NXN: variants seen among roughly 807,000 people sequenced by gnomAD.
The protein encoded by NXN is nucleoredoxin.
NXN carries 16 observed loss-of-function variants against 48.6 expected under a neutral mutation model. The ratio of observed to expected loss-of-function variants is 0.33; its 90% confidence interval spans 0.22 to 0.50. The LOEUF (loss-of-function observed/expected upper bound fraction) is 0.50, where lower values mean the gene tolerates loss of function less well. NXN is among the 20% of genes least tolerant of loss of function. The probability of loss-of-function intolerance (pLI) is 0.98; values close to 1 mark genes in which losing one functional copy is unlikely to be tolerated. For missense variants in NXN, 492 were observed against 605.5 expected, an observed-to-expected ratio of 0.81 and a Z score of 1.97; for synonymous variants, 281 against 269.6, an observed-to-expected ratio of 1.04 and a Z score of -0.41.
intron 1 of NXN, among the ~76,000 whole-genome samples, chr17:887,255 T>C (rs1286451451): frequency 6.6e-6 from 1 of 152,106 alleles, no homozygotes; most frequent in Non-Finnish European, 1.5e-5. Context: ...AAATCCATGC[T>C]AGCTGACCGG....
intron 5 of NXN, among the ~76,000 whole-genome samples, chr17:810,935 G>A (rs556645653): frequency 2.0e-5 from 3 of 151,948 alleles, no homozygotes; most frequent in Admixed American, 1.3e-4. Flanking sequence ...CTGCAAAACC[G>A]CTCTAAAGGT....
chr17:918,806 G>T (rs1400308916), intron 1 of NXN, among the ~76,000 whole-genome samples: 1 of 115,422 alleles, frequency 8.7e-6, no homozygotes, highest in Non-Finnish European at 1.8e-5. Context: ...AAAAAAGGCC[G>T]GGGGTGGGGG....
intron 1 of NXN, among the ~76,000 whole-genome samples, chr17:877,745 A>G (rs1450461420): frequency 1.3e-5 from 2 of 152,244 alleles, no homozygotes; most frequent in African/African-American, 4.8e-5. Flanking sequence ...CTTGTGAGTT[A>G]GAGCGACTGA....
intron 1 of NXN, among the ~76,000 whole-genome samples, chr17:929,107 A>G (rs1352004114): frequency 6.6e-6 from 1 of 152,242 alleles, no homozygotes; most frequent in Non-Finnish European, 1.5e-5. Context: ...AAACTTAACT[A>G]GCTTCACATA....
Position 833,092 on chromosome 17 carries a change from C to T in NXN, c.361-7014G>A, listed in dbSNP as rs562759612. Among the ~76,000 whole-genome samples, 47 of 152,200 alleles carry T rather than the reference C, an allele frequency of 3.1e-4. No individual in the cohort carries two copies. The East Asian group carries it at 3.7e-3, about 12-fold the overall frequency. On this transcript the variant is annotated intron_variant, in intron 1 of 7. Transcript: ENST00000336868. ...TTTTTTAGTAGAGACGGGGTTTTAC[C>T]GTGTCAGCCAGGATGGTCTCGACCT...
At chr17:934,395 G>A (rs185446156) in intron 1 of NXN, among the ~76,000 whole-genome samples, 82 of 151,150 alleles carry the variant, frequency 5.4e-4, no homozygotes, top group Middle Eastern at 3.4e-3. Flanking sequence ...GCAGTGAGCC[G>A]AGATAGCACC....
intron 1 of NXN, among the ~76,000 whole-genome samples, chr17:944,629 T>G (rs1308278209): frequency 6.6e-6 from 1 of 152,190 alleles, no homozygotes; most frequent in Non-Finnish European, 1.5e-5. Flanking sequence ...TCTGAAAAAG[T>G]TCCTTGGCCA....
intron 1 of NXN, among the ~76,000 whole-genome samples, chr17:829,174 G>A (rs1421750521): frequency 6.6e-6 from 1 of 150,648 alleles, no homozygotes; most frequent in African/African-American, 2.4e-5. Context: ...GGGTGGTGGG[G>A]CAAACAGAGT....
At chr17:851,683 C>T (rs1357531043) in intron 1 of NXN, among the ~76,000 whole-genome samples, 5 of 152,144 alleles carry the variant, frequency 3.3e-5, no homozygotes, top group African/African-American at 4.8e-5. Context: ...CTCCTCACTC[C>T]GATGCTTATT....
At position 866,281 on chromosome 17, in the gene NXN, G is replaced by T. The variant is rs182294131; in HGVS notation, c.361-40203C>A. On this transcript the variant is annotated intron_variant, in intron 1 of 7. Coordinates refer to ENST00000336868, the MANE Select transcript of NXN (RefSeq NM_022463.5). The stretch of plus-strand genomic sequence containing the variant: ...AAATGCACAGAAGATATTTCAGAAG[G>T]ATGTATATAAGAAACTTAAGGCTGG... Among the ~76,000 whole-genome samples the T allele has an allele frequency of 1.6e-3, 240 of 151,910 alleles. 1 individual carries two copies. Among genetic ancestry groups the T allele is most frequent in the African/African-American group, 5.2e-3 (216 of 41,420 alleles).
At chr17:812,631 GGT>G (rs143730021) in intron 5 of NXN, among the ~76,000 whole-genome samples, 23 of 149,248 alleles carry the variant, frequency 1.5e-4, no homozygotes, top group East Asian at 4.0e-4. Flanking sequence ...GGTGAGTGTA[GGT>G]GTGTGTGAGT....
intron 1 of NXN, among the ~76,000 whole-genome samples, chr17:977,115 G>C (rs2069469923): frequency 6.6e-6 from 1 of 152,166 alleles, no homozygotes; most frequent in Non-Finnish European, 1.5e-5. Context: ...CCAAGAGTAT[G>C]TGTTCCATAA....
chr17:834,731 G>A (rs147327725), intron 1 of NXN, among the ~76,000 whole-genome samples: 33 of 151,794 alleles, frequency 2.2e-4, no homozygotes, highest in African/African-American at 7.0e-4. Flanking sequence ...CGTTGGGCAC[G>A]CTGGTCTCGA....
chr17:813,787 G>A (rs562260051), intron 5 of NXN, among the ~76,000 whole-genome samples: 1 of 151,848 alleles, frequency 6.6e-6, no homozygotes, highest in East Asian at 1.9e-4. Flanking sequence ...GTCAAATGGA[G>A]AAACTCTGTC....
chr17:895,754 C>G (rs1434778791), intron 1 of NXN, among the ~76,000 whole-genome samples: 5 of 119,562 alleles, frequency 4.2e-5, no homozygotes, highest in Non-Finnish European at 8.7e-5. Context: ...AGAGGCGGAG[C>G]TTGCAGTGAG....
intron 1 of NXN, among the ~76,000 whole-genome samples, chr17:852,465 A>C (rs1168065178): frequency 2.0e-5 from 3 of 152,158 alleles, no homozygotes; most frequent in Admixed American, 6.5e-5. Context: ...GTCAGGATGG[A>C]TTATGTAGAC....
chr17:935,290 G>A (rs374027333), intron 1 of NXN, among the ~76,000 whole-genome samples: 7 of 152,174 alleles, frequency 4.6e-5, no homozygotes, highest in East Asian at 1.9e-4. Flanking sequence ...CACCGCGCCC[G>A]GCCTTGCTGT....
At chr17:814,262 A>G (rs1218695031) in intron 5 of NXN, among the ~76,000 whole-genome samples, 2 of 152,120 alleles carry the variant, frequency 1.3e-5, no homozygotes, top group African/African-American at 4.8e-5. Context: ...CTGTCTCAAA[A>G]AAAAGAAAAG....
rs563554974 is a variant in NXN at position 970,960 on chromosome 17, T to TG, written c.360+8358_360+8359insC. Among the ~76,000 whole-genome samples, 788 of 151,854 alleles carry TG rather than the reference T, an allele frequency of 5.2e-3. 6 individuals are homozygous for TG. The highest frequency in any genetic ancestry group is 0.031 in the South Asian group (148 of 4,788). On this transcript the variant is annotated intron_variant, in intron 1 of 7. Transcript: ENST00000336868. ...ATATGAGACTCTTTTTTTTTTTTTT[T>TG]TTTGACACGGAGTTTCACTCTTATT...
Sources: gnomAD v4.1 joint callset for allele counts (sites outside exome capture counted in the v4.1 genomes callset) on GRCh38, gnomAD v4.1.1 for gene constraint, MANE v1.5 for transcripts, NCBI Gene and HGNC (gene_info 2026-07-23, HGNC 2026-07-21) for gene names.